Variants in ATG3 observed in about 807,000 individuals in gnomAD.
ATG3 encodes autophagy related 3.
In ATG3, 25 loss-of-function variants were observed where a neutral mutation model predicts 50.7. The ratio of observed to expected loss-of-function variants is 0.49; its 90% CI spans 0.36 to 0.69. ATG3 has a LOEUF of 0.69. Among genes scored for constraint, ATG3 ranks in the 30% least tolerant of loss-of-function variants. ATG3 has a pLI of 0.00. For synonymous variants in ATG3, 119 were observed against 125.5 expected (o/e 0.95, Z 0.34); for missense variants, 281 against 376.0 (o/e 0.75, Z 2.09).
intron 11 of ATG3, chr3:112,533,964 G>T: frequency 4.4e-6 from 5 of 1,126,076 alleles, no homozygotes; most frequent in Non-Finnish European, 5.4e-6. Context: ...GTACATTTTT[G>T]GTAACATGTT....
Position 112,556,102 on chromosome 3 carries a change from C to T in ATG3, c.114+2274G>A, listed in dbSNP as rs376994235. ...TGTTTGGCAAGAATGTTAATGATAT[C>T]CTTAAAATCAAAACTTAGTTTTATT... On this transcript the variant is annotated intron_variant, in intron 2 of 11. Coordinates refer to ENST00000283290, the MANE Select transcript of ATG3 (RefSeq NM_022488.5). Among the ~76,000 whole-genome samples the T allele has an allele frequency of 3.3e-5, 5 of 152,172 alleles. No homozygotes were observed. The East Asian group carries it at 9.6e-4, about 29-fold the overall frequency.
intron 3 of ATG3, among the ~76,000 whole-genome samples, chr3:112,550,587 CT>C (rs1274039639): frequency 6.6e-6 from 1 of 152,170 alleles, no homozygotes; most frequent in Non-Finnish European, 1.5e-5. Context: ...TATGCTGCTC[CT>C]CAGTGAGTTG....
At chr3:112,559,726 A>G (rs548007525) in intron 1 of ATG3, among the ~76,000 whole-genome samples, 14 of 152,194 alleles carry the variant, frequency 9.2e-5, no homozygotes, top group Non-Finnish European at 1.5e-4. Flanking sequence ...CAGAATAATA[A>G]AGAGATCAGG....
intron 5 of ATG3, among the ~76,000 whole-genome samples, chr3:112,545,945 G>C (rs917534648): frequency 6.6e-6 from 1 of 152,070 alleles, no homozygotes; most frequent in African/African-American, 2.4e-5. Context: ...CTACAAGATA[G>C]GGGGATATCA....
chr3:112,552,938 G>A (rs533204607), intron 3 of ATG3, among the ~76,000 whole-genome samples: 6 of 152,132 alleles, frequency 3.9e-5, no homozygotes, highest in South Asian at 2.1e-4. Context: ...GAGCCACCGC[G>A]CCCTGCCAAA....
rs182194246 is a variant in ATG3 at position 112,533,990 on chromosome 3, A to G, written c.863+279T>C. ...GTAACATGTTAAACTGGAAATGTAC[A>G]TAAGAAAAAGATACTCATATTATTA... is the stretch of plus-strand genomic sequence containing the variant. On this transcript the variant is annotated intron_variant, in intron 11 of 11. Coordinates refer to ENST00000283290, the MANE Select transcript of ATG3 (RefSeq NM_022488.5). The G allele has an allele frequency of 2.8e-4, 327 of 1,173,774 alleles. 5 individuals carry two copies. In the East Asian group the frequency reaches 0.012, roughly 42 times the overall value. The allele number at this position is 1,173,774 out of a possible 1,614,324, so 72.7% of individuals were successfully genotyped here.
intron 3 of ATG3, 149 bp from the exon 4 acceptor site, chr3:112,550,411 G>C: frequency 1.6e-6 from 1 of 615,624 alleles, no homozygotes; most frequent in South Asian, 2.2e-5. Context: ...ACTCCATTAA[G>C]TAATACATGT....
intron 6 of ATG3, among the ~76,000 whole-genome samples, chr3:112,542,406 C>G (rs1380078599): frequency 6.6e-6 from 1 of 152,002 alleles, no homozygotes; most frequent in African/African-American, 2.4e-5. Flanking sequence ...TATATTAGCT[C>G]TAAAGTGAAA....
intron 11 of ATG3, 171 bp downstream of exon 11, chr3:112,534,097 TA>T: frequency 7.3e-7 from 1 of 1,365,038 alleles, no homozygotes; most frequent in Non-Finnish European, 9.4e-7. Flanking sequence ...AAGCAAGGCA[TA>T]ACTATCACAA....
intron 8 of ATG3, 97 bp from the exon 9 acceptor site, chr3:112,537,987 T>C (rs1401399035): frequency 2.3e-6 from 3 of 1,314,804 alleles, no homozygotes; most frequent in Non-Finnish European, 3.1e-6. Context: ...TTTGTTTTCT[T>C]AAGAGTAAAT....
rs1315312940 is a variant in ATG3, at chr3:112,537,627, T to C, written c.666+108A>G. On this transcript the variant is annotated intron_variant, in intron 9 of 11. Transcript: ENST00000283290. The stretch of plus-strand genomic sequence containing the variant: ...TCATAAAACTGTAAAACAGATGATT[T>C]CCAAAATGTGAAACACTGCAATAAA... The C allele has an allele frequency of 3.7e-6, 3 of 820,996 alleles. No individual in the cohort carries two copies. In the Admixed American group the frequency reaches 1.1e-4, roughly 29 times the overall value. The allele number at this position is 820,996 out of a possible 1,614,324, so 50.9% of individuals were successfully genotyped here.
At position 112,548,587 on chromosome 3, in the gene ATG3, T is replaced by C. The variant is rs753487518; in HGVS notation, c.289A>G (p.Ile97Val). The stretch of plus-strand genomic sequence containing the variant: ...CCATCACCATCATCTTCTTCAATGA[T>C]AGCTTCCAATTCATCTGAATATTCC... ...QMEYSDELEA[I>V]IEEDDGDGGW... The change falls in exon 5 of 12, where the codon ATC (isoleucine) becomes GTC (valine). Residue 97 changes from isoleucine to valine, a missense_variant. Transcript: ENST00000283290. 10 of 1,614,092 alleles carry C rather than the reference T, an allele frequency of 6.2e-6. No homozygotes were observed. The highest frequency in any genetic ancestry group is 1.7e-5 in the Admixed American group (1 of 60,024).
At chr3:112,536,339 G>C in intron 10 of ATG3, 136 bp downstream of exon 10, 1 of 976,076 alleles carries the variant, frequency 1.0e-6, no homozygotes, top group Non-Finnish European at 1.5e-6. Context: ...AATTTCTAAG[G>C]AGGACAAGAG....
intron 5 of ATG3, among the ~76,000 whole-genome samples, chr3:112,544,847 A>C (rs1239559340): frequency 6.6e-6 from 1 of 152,090 alleles, no homozygotes; most frequent in African/African-American, 2.4e-5. Flanking sequence ...ATTTGCATAA[A>C]TACTTACTGG....
At chr3:112,561,283 C>T (rs1041261104) in intron 1 of ATG3, among the ~76,000 whole-genome samples, 174 bp downstream of exon 1, 1 of 152,176 alleles carries the variant, frequency 6.6e-6, no homozygotes, top group African/African-American at 2.4e-5. Flanking sequence ...TCAGAAAGCC[C>T]TAACGAACAG....
intron 5 of ATG3, among the ~76,000 whole-genome samples, chr3:112,546,310 T>A (rs776562266): frequency 6.6e-6 from 1 of 152,142 alleles, no homozygotes; most frequent in Non-Finnish European, 1.5e-5. Flanking sequence ...ACGCTGTACA[T>A]GACAGTCGAC....
rs531291817 is a variant in ATG3 at position 112,559,770 on chromosome 3, AGAT to A, written c.73-1356_73-1354del. Reference sequence around the variant, plus strand: ...AGCAACAGCAGTCAGGGGATGGAGCAGATGAGATTGGGGCCTCTACCAATTAAG... The same window carrying A: ...AGCAACAGCAGTCAGGGGATGGAGCAGAGATTGGGGCCTCTACCAATTAAG... On this transcript the variant is annotated intron_variant, in intron 1 of 11. Transcript: ENST00000283290. 1.2e-3 allele frequency among the ~76,000 whole-genome samples: 183 copies of A among 152,378 alleles called. 1 individual carries two copies. The highest frequency in any genetic ancestry group is 4.3e-3 in the African/African-American group (180 of 41,602).
Position 112,533,277 on chromosome 3 carries a change from A to G in ATG3, c.864-497T>C, listed in dbSNP as rs954241876. Reference sequence around the variant, plus strand: ...GGACTGTCTTTAATTAAATTCTGAAATTTTTTTATGTTCATTGCACTTAAA... The same window carrying G: ...GGACTGTCTTTAATTAAATTCTGAAGTTTTTTTATGTTCATTGCACTTAAA... On this transcript the variant is annotated intron_variant, in intron 11 of 11. Coordinates refer to ENST00000283290, the MANE Select transcript of ATG3 (RefSeq NM_022488.5). 7.1e-6 allele frequency: 7 copies of G among 984,798 alleles called. No individual in the cohort carries two copies. The African/African-American group carries it at 1.2e-4, about 17-fold the overall frequency. The allele number at this position is 984,798 out of a possible 1,614,324, so 61.0% of individuals were successfully genotyped here.
intron 7 of ATG3, among the ~76,000 whole-genome samples, chr3:112,540,230 C>T (rs1381435828): frequency 6.6e-6 from 1 of 152,144 alleles, no homozygotes; most frequent in East Asian, 1.9e-4. Context: ...ACAGACATAG[C>T]TAGGTTTCAT....
Sources: allele counts gnomAD v4.1 joint callset (sites outside exome capture counted in the v4.1 genomes callset), GRCh38; gene constraint gnomAD v4.1.1; transcripts MANE v1.5; gene names NCBI Gene and HGNC (gene_info 2026-07-23, HGNC 2026-07-21).